CSGALNACT1: variants seen among roughly 807,000 people sequenced by gnomAD.
CSGALNACT1 encodes the protein chondroitin sulfate N-acetylgalactosaminyltransferase 1.
CSGALNACT1 carries 52 observed loss-of-function variants against 51.0 expected under a neutral mutation model. That is an observed-to-expected ratio of 1.02 (90% CI 0.82 to 1.29). The LOEUF (loss-of-function observed/expected upper bound fraction) is 1.29, where lower values mean the gene tolerates loss of function less well. Among genes scored for constraint, CSGALNACT1 ranks in the 50% most tolerant of loss-of-function variants. CSGALNACT1 has a pLI of 0.00. For synonymous variants in CSGALNACT1, 341 were observed against 254.4 expected, an observed-to-expected ratio of 1.34 and a Z score of -3.24; for missense variants, 935 against 679.2, an observed-to-expected ratio of 1.38 and a Z score of -4.19.
chr8:19,585,658 C>G (rs2046461559), intron 3 of CSGALNACT1, among the ~76,000 whole-genome samples: 1 of 152,198 alleles, frequency 6.6e-6, no homozygotes, highest in African/African-American at 2.4e-5. Flanking sequence ...CACTTCCTGC[C>G]TGGCTTCTCA....
intron 4 of CSGALNACT1, among the ~76,000 whole-genome samples, chr8:19,468,293 T>G (rs924852795): frequency 1.3e-5 from 2 of 152,118 alleles, no homozygotes; most frequent in Non-Finnish European, 2.9e-5. Context: ...GCTTGTTATG[T>G]TTGGCCACCT....
intron 6 of CSGALNACT1, 56 bp downstream of exon 5, chr8:19,439,774 T>G: frequency 7.6e-7 from 1 of 1,313,154 alleles, no homozygotes; most frequent in South Asian, 1.2e-5. Context: ...GCCTTGGATG[T>G]GTGCTTCTGA....
intron 1 of CSGALNACT1, among the ~76,000 whole-genome samples, chr8:19,693,549 C>T (rs1404096716): frequency 6.6e-6 from 1 of 152,292 alleles, no homozygotes; most frequent in East Asian, 1.9e-4. Context: ...CTCATGTCTT[C>T]AATCTTGATC....
At chr8:19,611,514 C>T (rs1319194015) in intron 1 of CSGALNACT1, among the ~76,000 whole-genome samples, 1 of 152,208 alleles carries the variant, frequency 6.6e-6, no homozygotes, top group Non-Finnish European at 1.5e-5. Flanking sequence ...AATCTTCACT[C>T]TCTATGTTAC....
At chr8:19,450,713 T>G (rs1290607077) in intron 5 of CSGALNACT1, among the ~76,000 whole-genome samples, 2 of 152,108 alleles carry the variant, frequency 1.3e-5, no homozygotes, top group East Asian at 3.9e-4. Context: ...GGTCAGGAGT[T>G]TGAAACCAGC....
At chr8:19,430,842 C>G (rs1348853529) in intron 6 of CSGALNACT1, among the ~76,000 whole-genome samples, 1 of 152,024 alleles carries the variant, frequency 6.6e-6, no homozygotes, top group Non-Finnish European at 1.5e-5. Flanking sequence ...TTTATTTAGG[C>G]CTTCTTTAAT....
chr8:19,406,034 C>G (rs544410186), exon 10 of CSGALNACT1: 1 of 1,614,242 alleles, frequency 6.2e-7, no homozygotes, highest in South Asian at 1.1e-5. Flanking sequence ...TGCACATCCT[C>G]TCCGCCCCAG....
chr8:19,750,762 A>AC (rs1445244095), intron 1 of CSGALNACT1, among the ~76,000 whole-genome samples: 1 of 152,198 alleles, frequency 6.6e-6, no homozygotes, highest in East Asian at 1.9e-4. Context: ...CTGGCAGAGT[A>AC]CCTTCATAGA....
At chr8:19,504,311 C>T (rs2076923241) in intron 4 of CSGALNACT1, among the ~76,000 whole-genome samples, 1 of 152,298 alleles carries the variant, frequency 6.6e-6, no homozygotes, top group East Asian at 1.9e-4. Context: ...CTCCCGACCT[C>T]ATGATCCGCC....
intron 3 of CSGALNACT1, among the ~76,000 whole-genome samples, chr8:19,531,150 G>C (rs748977431): frequency 6.6e-6 from 1 of 152,186 alleles, no homozygotes; most frequent in African/African-American, 2.4e-5. Flanking sequence ...ACTCTTCAGA[G>C]ATAGAGCTAT....
intron 3 of CSGALNACT1, among the ~76,000 whole-genome samples, chr8:19,516,823 G>T (rs748842711): frequency 2.1e-4 from 32 of 152,174 alleles, no homozygotes; most frequent in Non-Finnish European, 3.5e-4. Flanking sequence ...GTGAGATGCT[G>T]GAAGTGGCTG....
chr8:19,593,095 G>A (rs1268845405), intron 2 of CSGALNACT1, among the ~76,000 whole-genome samples: 2 of 152,196 alleles, frequency 1.3e-5, no homozygotes, highest in African/African-American at 2.4e-5. Flanking sequence ...GCACTCTGGA[G>A]TACAAGAAGC....
At chr8:19,635,927 A>G (rs2055991809) in intron 1 of CSGALNACT1, among the ~76,000 whole-genome samples, 1 of 152,102 alleles carries the variant, frequency 6.6e-6, no homozygotes, top group South Asian at 2.1e-4. Context: ...ACAGGGTTTC[A>G]CCATGTTGGC....
At chr8:19,606,176 A>T (rs2051336683), upstream of CSGALNACT1, among the ~76,000 whole-genome samples, 1 of 152,220 alleles carries the variant, frequency 6.6e-6, no homozygotes, top group Non-Finnish European at 1.5e-5. Flanking sequence ...CAAATGAAAA[A>T]CACCACGAGA....
intron 1 of CSGALNACT1, among the ~76,000 whole-genome samples, chr8:19,646,105 CAA>C (rs1329027777): frequency 1.3e-5 from 2 of 151,966 alleles, no homozygotes; most frequent in Admixed American, 6.6e-5. Context: ...ATGTTGAACA[CAA>C]AGAGTGAAGA....
intron 2 of CSGALNACT1, among the ~76,000 whole-genome samples, chr8:19,594,184 G>A (rs576870145): frequency 7.2e-5 from 11 of 152,286 alleles, no homozygotes; most frequent in Admixed American, 6.5e-4. Flanking sequence ...AACATGGACT[G>A]CTAGAGAACA....
chr8:19,657,008 A>G (rs2058338102), intron 1 of CSGALNACT1, among the ~76,000 whole-genome samples: 1 of 151,342 alleles, frequency 6.6e-6, no homozygotes, highest in Admixed American at 6.6e-5. Flanking sequence ...GGTTGCAGTG[A>G]GCCGAAATCA....
upstream of CSGALNACT1, among the ~76,000 whole-genome samples, chr8:19,684,781 A>C (rs748665061): frequency 4.3e-4 from 65 of 152,208 alleles, no homozygotes; most frequent in Non-Finnish European, 7.3e-4. Context: ...ACCTAAAAAG[A>C]GCTCAGAAGA....
chr8:19,491,179 C>T (rs1188570867), intron 4 of CSGALNACT1, among the ~76,000 whole-genome samples: 1 of 151,686 alleles, frequency 6.6e-6, no homozygotes, highest in African/African-American at 2.4e-5. Flanking sequence ...ATTATTTTCA[C>T]AATTAAAATG....
Sources: gnomAD v4.1 joint callset for allele counts (sites outside exome capture counted in the v4.1 genomes callset) on GRCh38, gnomAD v4.1.1 for gene constraint, MANE v1.5 for transcripts, NCBI Gene and HGNC (gene_info 2026-07-23, HGNC 2026-07-21) for gene names.